The following SDK1 variants were observed in gnomAD, a reference collection of about 807,000 sequenced individuals.
SDK1 encodes protein sidekick-1.
SDK1 carries 157 observed loss-of-function variants against 245.5 expected under a neutral mutation model. The ratio of observed to expected loss-of-function variants is 0.64; its 90% confidence interval spans 0.56 to 0.73. The LOEUF is 0.73. SDK1 is among the 30% of genes least tolerant of loss of function. The pLI is 0.00. For synonymous variants in SDK1, 1,647 were observed against 1,278.5 expected, an observed-to-expected ratio of 1.29 and a Z score of -6.15; for missense variants, 3,583 against 3,002.3, an observed-to-expected ratio of 1.19 and a Z score of -4.52.
At chr7:3,524,649 C>G (rs749668702) in intron 1 of SDK1, among the ~76,000 whole-genome samples, 47 of 152,114 alleles carry the variant, frequency 3.1e-4, no homozygotes, top group Non-Finnish European at 6.2e-4. Flanking sequence ...TTCACACACA[C>G]TGAGATGGGG....
intron 30 of SDK1, among the ~76,000 whole-genome samples, chr7:4,150,026 A>G (rs1263561308): frequency 1.3e-5 from 2 of 152,082 alleles, no homozygotes; most frequent in African/African-American, 4.8e-5. Flanking sequence ...TCAGCATGGG[A>G]GAGGGTTGCA....
chr7:4,215,843 C>G (rs1434728876), intron 38 of SDK1, among the ~76,000 whole-genome samples: 1 of 152,152 alleles, frequency 6.6e-6, no homozygotes, highest in African/African-American at 2.4e-5. Flanking sequence ...CACTCATCCC[C>G]CCTGCCCTGC....
chr7:3,631,912 C>T (rs1055585540), intron 2 of SDK1, among the ~76,000 whole-genome samples: 6 of 152,110 alleles, frequency 3.9e-5, no homozygotes, highest in Non-Finnish European at 7.4e-5. Flanking sequence ...TTTGCTTATG[C>T]TTATAATGTT....
chr7:4,058,937 C>A (rs908009763), intron 19 of SDK1, among the ~76,000 whole-genome samples: 1 of 151,984 alleles, frequency 6.6e-6, no homozygotes, highest in East Asian at 1.9e-4. Context: ...AGCAAACACA[C>A]AAATAAGGAA....
At chr7:4,110,224 C>A (rs571111961) in intron 22 of SDK1, among the ~76,000 whole-genome samples, 3 of 152,172 alleles carry the variant, frequency 2.0e-5, no homozygotes, top group Non-Finnish European at 4.4e-5. Flanking sequence ...CGAAGCTGGA[C>A]CCCCAGCCTG....
At chr7:3,605,491 C>G (rs979372797) in intron 1 of SDK1, among the ~76,000 whole-genome samples, 1 of 152,144 alleles carries the variant, frequency 6.6e-6, no homozygotes, top group African/African-American at 2.4e-5. Context: ...TTGACTTTTC[C>G]TTCTTATTGG....
chr7:3,969,696 A>C (rs760324004), intron 11 of SDK1, among the ~76,000 whole-genome samples: 1 of 152,224 alleles, frequency 6.6e-6, no homozygotes, highest in African/African-American at 2.4e-5. Context: ...ATTACACAAA[A>C]CTAGCTCAAA....
At chr7:4,218,508 GGA>G (rs1382940008) in intron 38 of SDK1, among the ~76,000 whole-genome samples, 1 of 152,240 alleles carries the variant, frequency 6.6e-6, no homozygotes, top group Non-Finnish European at 1.5e-5. Flanking sequence ...AAGATATGTT[GGA>G]GATTTTTAGG....
intron 5 of SDK1, among the ~76,000 whole-genome samples, chr7:3,829,524 C>T (rs1290304323): frequency 6.6e-6 from 1 of 152,182 alleles, no homozygotes; most frequent in East Asian, 1.9e-4. Flanking sequence ...CAAGAATAGT[C>T]AATGGGAAGT....
chr7:3,691,327 C>T (rs925489573), intron 4 of SDK1, among the ~76,000 whole-genome samples: 1 of 152,152 alleles, frequency 6.6e-6, no homozygotes, highest in Non-Finnish European at 1.5e-5. Flanking sequence ...AGGGCTCTTA[C>T]TCGAAGTACA....
At chr7:3,884,629 G>C (rs1214270684) in intron 5 of SDK1, among the ~76,000 whole-genome samples, 2 of 150,602 alleles carry the variant, frequency 1.3e-5, no homozygotes, top group African/African-American at 2.5e-5. Context: ...CTTGTTCTAG[G>C]TGCTGGGAAC....
intron 4 of SDK1, among the ~76,000 whole-genome samples, chr7:3,700,760 G>A (rs1784716031): frequency 6.6e-6 from 1 of 152,146 alleles, no homozygotes; most frequent in South Asian, 2.1e-4. Flanking sequence ...AGACAATAGA[G>A]AAAAGTCGAT....
intron 4 of SDK1, among the ~76,000 whole-genome samples, chr7:3,773,307 C>A (rs1583398966): frequency 6.6e-6 from 1 of 152,054 alleles, no homozygotes. Flanking sequence ...TTTCTTCCAC[C>A]TCATTAAAAT....
intron 1 of SDK1, among the ~76,000 whole-genome samples, chr7:3,408,028 G>A (rs1779098199): frequency 6.6e-6 from 1 of 151,958 alleles, no homozygotes; most frequent in African/African-American, 2.4e-5. Flanking sequence ...AATGGAGAAC[G>A]CCATAGTTCA....
chr7:3,487,394 C>G (rs1781733013), intron 1 of SDK1, among the ~76,000 whole-genome samples: 1 of 151,860 alleles, frequency 6.6e-6, no homozygotes, highest in South Asian at 2.1e-4. Flanking sequence ...GTATTCTCAA[C>G]AAGCACAATA....
At chr7:4,027,859 A>AGGAGAAGGG (rs900141002) in intron 17 of SDK1, among the ~76,000 whole-genome samples, 4 of 151,932 alleles carry the variant, frequency 2.6e-5, no homozygotes, top group African/African-American at 9.7e-5. Context: ...GGTAGAGGAG[A>AGGAGAAGGG]GGAGAAGGGG....
chr7:3,362,223 G>A (rs1333139611), intron 1 of SDK1, among the ~76,000 whole-genome samples: 1 of 152,166 alleles, frequency 6.6e-6, no homozygotes, highest in Non-Finnish European at 1.5e-5. Flanking sequence ...GGCCGACTAC[G>A]ACAGTGTGTA....
chr7:3,425,404 G>A (rs1447656515), intron 1 of SDK1, among the ~76,000 whole-genome samples: 2 of 152,044 alleles, frequency 1.3e-5, no homozygotes, highest in African/African-American at 4.8e-5. Context: ...TAACTCTTTG[G>A]TAACCCATTT....
intron 1 of SDK1, among the ~76,000 whole-genome samples, chr7:3,361,221 G>T (rs7805263): frequency 2.0e-5 from 3 of 152,028 alleles, no homozygotes; most frequent in Non-Finnish European, 2.9e-5. Context: ...TGAAACGGGA[G>T]GATTGCACTC....
Sources: gnomAD v4.1 joint callset for allele counts (sites outside exome capture counted in the v4.1 genomes callset) on GRCh38, gnomAD v4.1.1 for gene constraint, MANE v1.5 for transcripts, NCBI Gene and HGNC (gene_info 2026-07-23, HGNC 2026-07-21) for gene names.